Variants in GPR176 observed in about 807,000 individuals in gnomAD.
The protein encoded by GPR176 is G protein-coupled receptor 176.
A neutral mutation model predicts 35.4 loss-of-function variants in GPR176; 26 were observed. The observed-to-expected ratio is 0.74, with a 90% CI of 0.54 to 1.02. GPR176 has a LOEUF of 1.02. GPR176 is among the 50% of genes least tolerant of loss of function. The pLI, the probability that GPR176 is intolerant of heterozygous loss-of-function variation, is 0.00. For synonymous variants in GPR176, 278 were observed against 271.3 expected (o/e 1.02, Z -0.24); for missense variants, 597 against 665.3 (o/e 0.90, Z 1.13).
intron 1 of GPR176, among the ~76,000 whole-genome samples, chr15:39,878,070 ACATATC>A (rs1863222809): frequency 6.8e-6 from 1 of 147,300 alleles, no homozygotes; most frequent in Non-Finnish European, 1.5e-5. Context: ...AAGCTAATTA[ACATATC>A]CATCACCTCC....
chr15:39,916,634 G>A (rs948134008), intron 1 of GPR176, among the ~76,000 whole-genome samples: 1 of 152,132 alleles, frequency 6.6e-6, no homozygotes, highest in African/African-American at 2.4e-5. Context: ...AATATAAGAA[G>A]TATATTTAAA....
chr15:39,854,512 T>TGC (rs1280850798), intron 1 of GPR176, among the ~76,000 whole-genome samples: 5 of 152,220 alleles, frequency 3.3e-5, no homozygotes, highest in African/African-American at 4.8e-5. Flanking sequence ...TAGCCATTTG[T>TGC]GCTCACTCTA....
At chr15:39,897,852 A>T (rs2033164899) in intron 1 of GPR176, among the ~76,000 whole-genome samples, 1 of 152,142 alleles carries the variant, frequency 6.6e-6, no homozygotes, top group Non-Finnish European at 1.5e-5. Flanking sequence ...ATAATCCATC[A>T]AGGCCTCAGT....
At chr15:39,874,611 C>A (rs996009042) in intron 1 of GPR176, among the ~76,000 whole-genome samples, 1 of 152,320 alleles carries the variant, frequency 6.6e-6, no homozygotes, top group South Asian at 2.1e-4. Context: ...TTAGGGAAGT[C>A]ATCATTGTTG....
At chr15:39,886,101 C>T (rs147904463) in intron 1 of GPR176, among the ~76,000 whole-genome samples, 5 of 152,128 alleles carry the variant, frequency 3.3e-5, no homozygotes, top group African/African-American at 4.8e-5. Flanking sequence ...GGCATGGTGG[C>T]GGGCGCCTGT....
chr15:39,807,093 G>A lies in GPR176; in HGVS notation c.338C>T (p.Thr113Ile). 2 of 1,613,984 alleles carry A rather than the reference G, an allele frequency of 1.2e-6. No homozygotes were observed. Among genetic ancestry groups the A allele is most frequent in the East Asian group, 2.2e-5 (1 of 44,878 alleles). ...TSPHCCWWIY[T>I]MLFCKVVKFL... ...TTTGACGACCTTGCAGAAGAGCATGGTGTAGATCCACCAGCAACAGTGAGG... is the reference window on the plus strand; with the variant it reads ...TTTGACGACCTTGCAGAAGAGCATGATGTAGATCCACCAGCAACAGTGAGG... Residue 113 changes from threonine (T) to isoleucine (I), a missense_variant, in exon 2 of 3, where the codon ACC becomes ATC. Coordinates refer to ENST00000561100, the MANE Select transcript of GPR176 (RefSeq NM_007223.3).
In GPR176 at chr15:39,919,863, G is replaced by C. The variant is rs750941574; in HGVS notation, c.164C>G (p.Ser55Trp). 1 of 1,439,498 alleles carries C rather than the reference G, an allele frequency of 6.9e-7. No homozygotes were observed. Among genetic ancestry groups the C allele is most frequent in the South Asian group, 1.5e-5 (1 of 65,848 alleles). The allele number at this position is 1,439,498 out of a possible 1,614,324, so 89.2% of individuals were successfully genotyped here. ...TTVQVVIFIG[S>W]LLGNFMVLWS... ...CCCCGCGGGAGGCTTACCGAGCAGC[G>C]AGCCTATGAAGATGACGACCTGCAC... Residue 55 changes from serine to tryptophan, a missense_variant, in exon 1 of 3, where the codon TCG becomes TGG. By Grantham distance (177) the Ser-to-Trp change is radical (BLOSUM62 -3). Around this residue, in one of 3 missense-constraint regions of GPR176, gnomAD observed 126 missense variants for 112.4 expected, o/e 1.12. Coordinates refer to ENST00000561100, the MANE Select transcript of GPR176 (RefSeq NM_007223.3).
chr15:39,919,830 C>G (rs77245879), intron 1 of GPR176, 25 bp downstream of exon 1: 62,513 of 1,379,766 alleles, frequency 0.045, 2,525 homozygotes, highest in East Asian at 0.23. Flanking sequence ...AGGCCCGGTC[C>G]GGAGGCGCCC....
intron 1 of GPR176, among the ~76,000 whole-genome samples, chr15:39,915,662 G>A (rs1040735419): frequency 1.3e-5 from 2 of 152,072 alleles, no homozygotes; most frequent in African/African-American, 2.4e-5. Context: ...ATCATCTGAG[G>A]TCAGGAGTTC....
intron 1 of GPR176, among the ~76,000 whole-genome samples, chr15:39,866,745 T>C (rs2031847487): frequency 6.6e-6 from 1 of 152,218 alleles, no homozygotes; most frequent in East Asian, 1.9e-4. Context: ...CAAACCTGCA[T>C]GTGTATCCCC....
chr15:39,831,025 T>C (rs1901044291), intron 1 of GPR176, among the ~76,000 whole-genome samples: 1 of 152,184 alleles, frequency 6.6e-6, no homozygotes, highest in East Asian at 1.9e-4. Flanking sequence ...TTAAATTGAT[T>C]AAGCTAATTT....
intron 1 of GPR176, among the ~76,000 whole-genome samples, chr15:39,909,427 A>G (rs1325308151): frequency 6.6e-6 from 1 of 152,230 alleles, no homozygotes. Context: ...AGACCCTCTC[A>G]TAAATTCTAA....
chr15:39,822,819 C>T (rs1022415926), intron 1 of GPR176, among the ~76,000 whole-genome samples: 28 of 152,100 alleles, frequency 1.8e-4, no homozygotes, highest in Non-Finnish European at 3.8e-4. Context: ...ACTGTCCAAC[C>T]GTGATTTTTC....
At chr15:39,851,674 C>G (rs1004457102) in intron 1 of GPR176, among the ~76,000 whole-genome samples, 11 of 152,190 alleles carry the variant, frequency 7.2e-5, no homozygotes, top group Non-Finnish European at 1.5e-4. Context: ...CTCACAAATG[C>G]GAGTCAGTGG....
chr15:39,815,405 G>A (rs1043578233), intron 1 of GPR176: 5 of 152,210 alleles, frequency 3.3e-5, no homozygotes, highest in Non-Finnish European at 5.9e-5. Flanking sequence ...CGGGTGCCCC[G>A]GGACCATGAA....
At chr15:39,909,041 C>T (rs1380531358) in intron 1 of GPR176, among the ~76,000 whole-genome samples, 1 of 152,214 alleles carries the variant, frequency 6.6e-6, no homozygotes. Flanking sequence ...AATATTCCCT[C>T]TGTAATCTTT....
At chr15:39,811,843 G>A (rs1899582901) in intron 1 of GPR176, among the ~76,000 whole-genome samples, 1 of 151,856 alleles carries the variant, frequency 6.6e-6, no homozygotes, top group African/African-American at 2.4e-5. Context: ...GTGAACCTGG[G>A]AGGCGGAGCT....
intron 1 of GPR176, among the ~76,000 whole-genome samples, chr15:39,882,485 G>A (rs538683452): frequency 2.8e-4 from 43 of 152,236 alleles, no homozygotes; most frequent in Middle Eastern, 3.4e-3. Context: ...CCCAATCTAC[G>A]GAAGAGACTT....
At chr15:39,875,023 C>A (rs568661524) in intron 1 of GPR176, among the ~76,000 whole-genome samples, 1 of 152,260 alleles carries the variant, frequency 6.6e-6, no homozygotes, top group Non-Finnish European at 1.5e-5. Context: ...GCCTGGGCAA[C>A]AAGAGCGAAA....
Sources: allele counts gnomAD v4.1 joint callset (sites outside exome capture counted in the v4.1 genomes callset), GRCh38; gene constraint gnomAD v4.1.1; regional missense constraint gnomAD v4.1.1; transcripts MANE v1.5; gene names NCBI Gene and HGNC (gene_info 2026-07-23, HGNC 2026-07-21).